The following CLTCL1 variants were observed in gnomAD, a reference collection of about 807,000 sequenced individuals.
The protein encoded by CLTCL1 is clathrin heavy chain like 1.
CLTCL1 carries 159 observed loss-of-function variants against 190.0 expected under a neutral mutation model. That is an observed-to-expected ratio of 0.84 (90% CI 0.74 to 0.95). The LOEUF is 0.95. Among genes scored for constraint, CLTCL1 ranks in the 40% least tolerant of loss-of-function variants. CLTCL1 has a pLI of 0.00. For missense variants in CLTCL1, 1,878 were observed against 2,033.4 expected (o/e 0.92, Z 1.47); for synonymous variants, 752 against 769.6 (o/e 0.98, Z 0.38).
rs1317290389 is a variant in CLTCL1, at chr22:19,223,826, G to A, written c.2292+65C>T. On this transcript the variant is annotated intron_variant, in intron 14 of 32. Transcript: ENST00000427926. ...GCTTCCTGCCCCTGGGACGTCCTGC[G>A]GATGGTCTGCCCCACCTGCCATCAG... The A allele has an allele frequency of 1.5e-5, 24 of 1,591,556 alleles. No individual in the cohort carries two copies. In the African/African-American group the frequency reaches 1.6e-4, roughly 11 times the overall value.
chr22:19,281,209 G>T (rs1569257757), intron 1 of CLTCL1, among the ~76,000 whole-genome samples: 1 of 150,914 alleles, frequency 6.6e-6, no homozygotes, highest in African/African-American at 2.4e-5. Context: ...GCAGGAGAAT[G>T]GCGTGAACCC....
chr22:19,234,943 G>A (rs963677042), intron 6 of CLTCL1, among the ~76,000 whole-genome samples: 9 of 152,322 alleles, frequency 5.9e-5, no homozygotes, highest in Admixed American at 1.3e-4. Flanking sequence ...AGTGTGATGC[G>A]TTCTGCGCTA....
chr22:19,188,245 A>G (rs1365762196), intron 27 of CLTCL1, among the ~76,000 whole-genome samples, 154 bp from the exon 28 acceptor site: 1 of 152,160 alleles, frequency 6.6e-6, no homozygotes, highest in East Asian at 1.9e-4. Context: ...AAAGACCTAC[A>G]CTCACACAAA....
At position 19,233,490 on chromosome 22, in the gene CLTCL1, C is replaced by A; in HGVS notation, c.1300G>T (p.Glu434Ter). 6.2e-7 allele frequency: 1 copy of A among 1,613,916 alleles called. No homozygotes were observed. Among genetic ancestry groups the A allele is most frequent in the Non-Finnish European group, 8.5e-7 (1 of 1,179,876 alleles). ...TGCTGAAGAACCAGATGGCAAAGTTCTAAGGATTCAAGTTTATTGAGCTGA... is the reference window on the plus strand; with the variant it reads ...TGCTGAAGAACCAGATGGCAAAGTTATAAGGATTCAAGTTTATTGAGCTGA... ...QGQLNKLESL[E>*]LCHLVLQQGR... The change falls in exon 8 of 33, where the codon GAA becomes TAA. Residue 434 changes from glutamate (E) to a stop codon, truncating the protein, a stop_gained. Coordinates refer to ENST00000427926, the MANE Select transcript of CLTCL1 (RefSeq NM_007098.4). LOFTEE classifies it high-confidence loss of function.
chr22:19,225,484 C>T lies in CLTCL1; in HGVS notation c.2097G>A (p.Val699=). The T allele has an allele frequency of 6.3e-7, 1 of 1,587,008 alleles. No individual in the cohort carries two copies. Among genetic ancestry groups the T allele is most frequent in the Non-Finnish European group, 8.6e-7 (1 of 1,165,994 alleles). ...AACTCTTGAAGGATTCAAAGAGCTC[C>T]ACCAGGGCCTGCGTGCCCAGCTGCT... ...YHEQLGTQAL[V]ELFESFKSYK... The change falls in exon 13 of 33, where the codon GTG becomes GTA. Residue 699 remains valine (V), a synonymous_variant. Transcript: ENST00000427926.
At chr22:19,218,788 C>G (rs1485450005) in intron 18 of CLTCL1, among the ~76,000 whole-genome samples, 1 of 152,222 alleles carries the variant, frequency 6.6e-6, no homozygotes, top group Non-Finnish European at 1.5e-5. Flanking sequence ...GGGAAGCCCT[C>G]CCAGAGGCCG....
At chr22:19,190,107 A>T (rs1351482361) in intron 27 of CLTCL1, among the ~76,000 whole-genome samples, 2 of 152,048 alleles carry the variant, frequency 1.3e-5, no homozygotes, top group Admixed American at 6.5e-5. Flanking sequence ...CGTCTGGCTA[A>T]TTTTTGTATT....
intron 2 of CLTCL1, among the ~76,000 whole-genome samples, chr22:19,262,769 G>A (rs1480757154): frequency 6.6e-6 from 1 of 152,046 alleles, no homozygotes; most frequent in Non-Finnish European, 1.5e-5. Flanking sequence ...AGTGGCTCAT[G>A]CCTGTAATCC....
intron 3 of CLTCL1, among the ~76,000 whole-genome samples, chr22:19,251,131 C>T (rs1221535248): frequency 6.8e-6 from 1 of 148,040 alleles, no homozygotes; most frequent in Admixed American, 6.7e-5. Flanking sequence ...CGATTTAGAT[C>T]TTCTTTAATT....
intron 3 of CLTCL1, among the ~76,000 whole-genome samples, chr22:19,243,580 C>T (rs2086321352): frequency 6.6e-6 from 1 of 152,010 alleles, no homozygotes. Context: ...GACTGCAGCA[C>T]TGCACTGCAG....
chr22:19,237,704 C>T (rs1367314029), intron 5 of CLTCL1, among the ~76,000 whole-genome samples: 1 of 152,126 alleles, frequency 6.6e-6, no homozygotes, highest in African/African-American at 2.4e-5. Flanking sequence ...CAATAAAATA[C>T]ATACATTATG....
intron 3 of CLTCL1, among the ~76,000 whole-genome samples, chr22:19,248,310 T>C (rs1425911159): frequency 6.6e-6 from 1 of 151,480 alleles, no homozygotes; most frequent in Admixed American, 6.6e-5. Flanking sequence ...AAAAAAAAAA[T>C]TATGAATTTT....
chr22:19,284,365 A>C (rs782572364), intron 1 of CLTCL1, among the ~76,000 whole-genome samples: 46 of 152,224 alleles, frequency 3.0e-4, no homozygotes, highest in Non-Finnish European at 5.7e-4. Flanking sequence ...ACAGTTTTTA[A>C]AACATACTTT....
chr22:19,232,504 T>C lies in CLTCL1; in HGVS notation c.1616A>G (p.Asp539Gly), dbSNP rs879965416. 3.1e-6 allele frequency: 5 copies of C among 1,613,888 alleles called. No individual in the cohort carries two copies. The highest frequency in any genetic ancestry group is 1.1e-5 in the South Asian group (1 of 91,096). The change falls in exon 10 of 33, where the codon GAC (aspartate) becomes GGC (glycine). Residue 539 changes from aspartate (D) to glycine (G), a missense_variant. By Grantham distance (94) the Asp-to-Gly change is moderately conservative. Transcript: ENST00000427926. Reference protein sequence around the residue: ...GLQFSRMLVQDEEPLANISQI... With the variant: ...GLQFSRMLVQGEEPLANISQI... Reference sequence around the variant, plus strand: ...GCTAATGTTGGCCAGCGGCTCCTCGTCCTGCACTAGCATTCGAGAAAACTG... The same window carrying C: ...GCTAATGTTGGCCAGCGGCTCCTCGCCCTGCACTAGCATTCGAGAAAACTG...
intron 22 of CLTCL1, among the ~76,000 whole-genome samples, chr22:19,202,470 C>G (rs199797900): frequency 8.8e-5 from 13 of 147,620 alleles, no homozygotes; most frequent in East Asian, 4.1e-4. Context: ...CACCACCCCT[C>G]CTTTGCCATC....
At position 19,275,658 on chromosome 22, in the gene CLTCL1, A is replaced by G. The variant is rs2146293506; in HGVS notation, c.215T>C (p.Ile72Thr). The G allele has an allele frequency of 6.2e-7, 1 of 1,606,918 alleles. No individual in the cohort carries two copies. Among genetic ancestry groups the G allele is most frequent in the Non-Finnish European group, 8.5e-7 (1 of 1,176,634 alleles). ...TATCACCTTAGAGGCTGGATTCATG[A>G]TGGCACTCTCTGCAGAGATAGGCCG... is the stretch of plus-strand genomic sequence containing the variant. ...IRRPISAESAIMNPASKVIAL... is the reference protein window; with the variant it reads ...IRRPISAESATMNPASKVIAL... Residue 72 changes from isoleucine to threonine, a missense_variant, in exon 2 of 33, where the codon ATC becomes ACC. Ile to Thr is a moderately conservative substitution (Grantham distance 89, BLOSUM62 -1). Transcript: ENST00000427926.
At position 19,260,944 on chromosome 22, in the gene CLTCL1, G is replaced by C. The variant is rs149554019; in HGVS notation, c.251-6717C>G. On this transcript the variant is annotated intron_variant, in intron 2 of 32. Coordinates refer to ENST00000427926, the MANE Select transcript of CLTCL1 (RefSeq NM_007098.4). ...TCTACTGATCAGAAAAAAAAAAAAA[G>C]GTTCCTTTCAAAAGATTACTGCTCT... is the stretch of plus-strand genomic sequence containing the variant. 9.6e-3 allele frequency among the ~76,000 whole-genome samples: 1,429 copies of C among 149,288 alleles called. 36 individuals carry two copies. The highest frequency in any genetic ancestry group is 0.069 in the East Asian group (354 of 5,128).
chr22:19,194,591 G>A (rs563850936), intron 26 of CLTCL1, among the ~76,000 whole-genome samples: 98 of 152,324 alleles, frequency 6.4e-4, no homozygotes, highest in Non-Finnish European at 1.1e-3. Flanking sequence ...TGAAAGAAGC[G>A]CCCACCGGAT....
At position 19,215,865 on chromosome 22, in the gene CLTCL1, A is replaced by T. The variant is rs142935295; in HGVS notation, c.3065+246T>A. 2.6e-5 allele frequency among the ~76,000 whole-genome samples: 4 copies of T among 152,344 alleles called. No homozygotes were observed. The East Asian group carries it at 7.7e-4, about 29-fold the overall frequency. On this transcript the variant is annotated intron_variant, in intron 19 of 32. Coordinates refer to ENST00000427926, the MANE Select transcript of CLTCL1 (RefSeq NM_007098.4). ...ATTGTGTTAAAGGACAGTGTGGGCC[A>T]GAGCAGTAAGAGGAGCGCAGGCTCC...
Sources: gnomAD v4.1 joint callset for allele counts (sites outside exome capture counted in the v4.1 genomes callset) on GRCh38, gnomAD v4.1.1 for gene constraint, MANE v1.5 for transcripts, NCBI Gene and HGNC (gene_info 2026-07-23, HGNC 2026-07-21) for gene names.